The following FRMD5 variants were observed in gnomAD, a reference collection of about 807,000 sequenced individuals.
FRMD5 encodes FERM domain-containing protein 5.
In FRMD5, 20 loss-of-function variants were observed where a neutral mutation model predicts 69.0. The ratio of observed to expected loss-of-function variants is 0.29; its 90% CI spans 0.20 to 0.42. The LOEUF (loss-of-function observed/expected upper bound fraction) is 0.42. Among genes scored for constraint, FRMD5 ranks in the 10% least tolerant of loss-of-function variants. FRMD5 has a pLI of 1.00. For missense variants in FRMD5, 595 were observed against 708.6 expected, an observed-to-expected ratio of 0.84 and a Z score of 1.82; for synonymous variants, 271 against 260.1, an observed-to-expected ratio of 1.04 and a Z score of -0.40.
At chr15:43,910,413 A>G (rs370450211) in intron 4 of FRMD5, among the ~76,000 whole-genome samples, 19 of 152,110 alleles carry the variant, frequency 1.2e-4, no homozygotes, top group African/African-American at 4.3e-4. Flanking sequence ...TAGCCCAGGA[A>G]GAGTTCAGCC....
At chr15:43,972,095 T>C (rs1307945247) in intron 1 of FRMD5, among the ~76,000 whole-genome samples, 1 of 148,102 alleles carries the variant, frequency 6.8e-6, no homozygotes, top group Non-Finnish European at 1.5e-5. Flanking sequence ...TATATAAAGA[T>C]TTTCAGTAGA....
At position 44,022,335 on chromosome 15, in the gene FRMD5, T is replaced by C. The variant is rs1024116280; in HGVS notation, c.103-98026A>G. Among the ~76,000 whole-genome samples the C allele has an allele frequency of 6.4e-4, 97 of 151,084 alleles. 1 individual carries two copies. The highest frequency in any genetic ancestry group is 2.1e-3 in the African/African-American group (86 of 41,122). ...AATCCAGCACTTTGGCAGGATGAGA[T>C]TGGGGGATCACTTGAGGCCAGGAGT... On this transcript the variant is annotated intron_variant, in intron 1 of 13. Coordinates refer to ENST00000417257, the MANE Select transcript of FRMD5 (RefSeq NM_032892.5).
rs899932216 is a variant in FRMD5, at chr15:44,090,987, G to T, written c.102+103966C>A. On this transcript the variant is annotated intron_variant, in intron 1 of 13. Transcript: ENST00000417257. Reference sequence around the variant, plus strand: ...CCAGCTTGGGGACCCTGCACAAAGAGCACTGTAACTATGGAAACACCTGTT... The same window carrying T: ...CCAGCTTGGGGACCCTGCACAAAGATCACTGTAACTATGGAAACACCTGTT... Among the ~76,000 whole-genome samples the T allele has an allele frequency of 2.0e-5, 3 of 152,122 alleles. No individual in the cohort carries two copies. In the South Asian group the frequency reaches 6.2e-4, roughly 32 times the overall value.
At chr15:43,936,947 G>A (rs868109776) in intron 1 of FRMD5, among the ~76,000 whole-genome samples, 1 of 152,022 alleles carries the variant, frequency 6.6e-6, no homozygotes, top group South Asian at 2.1e-4. Flanking sequence ...GGAATTAAAA[G>A]CTCAATGCTG....
chr15:44,070,867 T>C (rs916193440), intron 1 of FRMD5, among the ~76,000 whole-genome samples: 3 of 152,210 alleles, frequency 2.0e-5, no homozygotes, highest in Non-Finnish European at 2.9e-5. Flanking sequence ...CCTTCGATTT[T>C]TGTCCCAAAT....
intron 1 of FRMD5, among the ~76,000 whole-genome samples, chr15:44,107,725 T>C (rs1166937202): frequency 6.6e-6 from 1 of 152,222 alleles, no homozygotes; most frequent in Non-Finnish European, 1.5e-5. Flanking sequence ...TTTTACATGC[T>C]GAAAATACAT....
intron 13 of FRMD5, among the ~76,000 whole-genome samples, chr15:43,883,250 A>G (rs1298223126): frequency 6.6e-6 from 1 of 151,828 alleles, no homozygotes; most frequent in Non-Finnish European, 1.5e-5. Context: ...GTCATGTGCC[A>G]CCACGCCCAG....
intron 4 of FRMD5, among the ~76,000 whole-genome samples, chr15:43,916,120 G>A (rs140028483): frequency 1.3e-5 from 2 of 152,344 alleles, no homozygotes; most frequent in African/African-American, 2.4e-5. Context: ...GAGGTTGAGA[G>A]AGAGGGGAAA....
chr15:43,977,996 T>TC (rs1216543278), intron 1 of FRMD5, among the ~76,000 whole-genome samples: 1 of 151,280 alleles, frequency 6.6e-6, no homozygotes, highest in Non-Finnish European at 1.5e-5. Flanking sequence ...CCCCAACCCC[T>TC]CCCCATAGAA....
intron 1 of FRMD5, among the ~76,000 whole-genome samples, chr15:44,190,335 T>C (rs1166521194): frequency 1.3e-5 from 2 of 152,126 alleles, no homozygotes; most frequent in East Asian, 3.9e-4. Flanking sequence ...TGTCTCCTCT[T>C]TTATGGGGTA....
chr15:43,951,787 G>A (rs1334618295), intron 1 of FRMD5, among the ~76,000 whole-genome samples: 6 of 152,148 alleles, frequency 3.9e-5, no homozygotes, highest in Non-Finnish European at 7.3e-5. Flanking sequence ...CAATTCACAT[G>A]CCATCAACCA....
chr15:44,024,164 A>G (rs1388442178), intron 1 of FRMD5, among the ~76,000 whole-genome samples: 1 of 152,132 alleles, frequency 6.6e-6, no homozygotes, highest in East Asian at 1.9e-4. Flanking sequence ...CATAGAGAAA[A>G]GTACAGAAAA....
At chr15:43,909,348 C>T (rs777277047) in intron 5 of FRMD5, among the ~76,000 whole-genome samples, 12 of 149,500 alleles carry the variant, frequency 8.0e-5, no homozygotes, top group South Asian at 2.3e-4. Context: ...TGCAGTGAGC[C>T]GAGATTGCAC....
chr15:44,145,940 T>G (rs567686728), intron 1 of FRMD5, among the ~76,000 whole-genome samples: 1 of 152,358 alleles, frequency 6.6e-6, no homozygotes, highest in African/African-American at 2.4e-5. Flanking sequence ...GTATGCTGTA[T>G]TAACATGCAG....
intron 1 of FRMD5, among the ~76,000 whole-genome samples, chr15:44,138,924 C>G (rs1255019750): frequency 2.6e-5 from 4 of 152,078 alleles, no homozygotes; most frequent in Admixed American, 1.3e-4. Flanking sequence ...AGATTACTGG[C>G]TGCCTATGAC....
chr15:44,035,084 A>G (rs901954391), intron 1 of FRMD5, among the ~76,000 whole-genome samples: 16 of 152,122 alleles, frequency 1.1e-4, no homozygotes, highest in Admixed American at 2.0e-4. Context: ...TATATTTAAA[A>G]TTTCTGATGT....
intron 1 of FRMD5, among the ~76,000 whole-genome samples, chr15:44,187,026 C>T (rs1013058255): frequency 9.2e-5 from 14 of 152,200 alleles, no homozygotes; most frequent in Non-Finnish European, 1.9e-4. Flanking sequence ...CCTTTTAGGA[C>T]TCCATGGGTC....
intron 4 of FRMD5, 110 bp from the exon 5 acceptor site, chr15:43,910,089 T>TAA: frequency 1.3e-5 from 7 of 553,056 alleles, no homozygotes; most frequent in African/African-American, 5.7e-5. Context: ...TTTACTACAT[T>TAA]AAAAAAAAAT....
chr15:44,105,297 T>C (rs937395886), intron 1 of FRMD5, among the ~76,000 whole-genome samples: 1 of 151,980 alleles, frequency 6.6e-6, no homozygotes, highest in African/African-American at 2.4e-5. Flanking sequence ...GGCTGGTGTC[T>C]AACTCATGGG....
Sources: allele counts gnomAD v4.1 joint callset (sites outside exome capture counted in the v4.1 genomes callset), GRCh38; gene constraint gnomAD v4.1.1; transcripts MANE v1.5; gene names NCBI Gene and HGNC (gene_info 2026-07-23, HGNC 2026-07-21).